Variants in C1orf167 observed in about 807,000 individuals in gnomAD.
The protein encoded by C1orf167 is uncharacterized protein C1orf167.
A neutral mutation model predicts 176.5 loss-of-function variants in C1orf167; 153 were observed. That is an observed-to-expected ratio of 0.87 (90% CI 0.76 to 0.99). The LOEUF (loss-of-function observed/expected upper bound fraction) is 0.99. Ranked by LOEUF, C1orf167 falls within the 50% of genes least tolerant of loss-of-function variation. C1orf167 has a pLI of 0.00. For missense variants in C1orf167, 1,490 were observed against 1,817.7 expected, an observed-to-expected ratio of 0.82 and a Z score of 3.28; for synonymous variants, 594 against 752.7, an observed-to-expected ratio of 0.79 and a Z score of 3.45.
intron 16 of C1orf167, chr1:11,786,979 G>A (rs1252256055): frequency 2.0e-5 from 3 of 152,608 alleles, no homozygotes; most frequent in African/African-American, 7.2e-5. Context: ...ACTAAACGCT[G>A]GGAATGGCAC....
intron 20 of C1orf167, 128 bp downstream of exon 20, chr1:11,788,874 G>A (rs1350451115): frequency 4.3e-6 from 3 of 693,638 alleles, no homozygotes; most frequent in Non-Finnish European, 6.5e-6. Flanking sequence ...TTCGTTTTCA[G>A]GGGAGGGGGT....
intron 6 of C1orf167, among the ~76,000 whole-genome samples, chr1:11,769,796 C>T (rs539499994): frequency 1.1e-4 from 16 of 151,948 alleles, no homozygotes; most frequent in African/African-American, 3.6e-4. Context: ...CTCAGCCTCC[C>T]GAGTAGCTGG....
chr1:11,779,063 G>GCAT lies in C1orf167; in HGVS notation c.2635_2637dup (p.His879dup), dbSNP rs1643468655. 9 of 1,260,760 alleles carry GCAT rather than the reference G, an allele frequency of 7.1e-6. No homozygotes were observed. The highest frequency in any genetic ancestry group is 9.3e-6 in the Non-Finnish European group (9 of 968,946). 78.1% of individuals were successfully genotyped at this position (1,260,760 alleles called of 1,614,324 possible). Reference sequence around the variant, plus strand: ...TCCAGGGCACAGCCAGGTGGTACCAGCATACCCGCCAGAGGCGGTAGGGAT... The same window carrying GCAT: ...TCCAGGGCACAGCCAGGTGGTACCAGCATCATACCCGCCAGAGGCGGTAGGGAT... On this transcript the variant is annotated inframe_insertion, in exon 12 of 21. Transcript: ENST00000688073.
intron 10 of C1orf167, among the ~76,000 whole-genome samples, 153 bp downstream of exon 10, chr1:11,776,791 G>A (rs569347756): frequency 7.9e-5 from 12 of 152,332 alleles, no homozygotes; most frequent in Middle Eastern, 3.4e-3. Flanking sequence ...ACAGGGCCTG[G>A]CACACTGCGG....
At chr1:11,767,377 G>A in intron 4 of C1orf167, 113 bp downstream of exon 4, 1 of 980,836 alleles carries the variant, frequency 1.0e-6, no homozygotes, top group Non-Finnish European at 1.4e-6. Flanking sequence ...GAGGAGGCAG[G>A]GTTTCAAGGA....
At chr1:11,770,519 C>A (rs1643002707) in intron 6 of C1orf167, among the ~76,000 whole-genome samples, 1 of 150,090 alleles carries the variant, frequency 6.7e-6, no homozygotes, top group African/African-American at 2.4e-5. Flanking sequence ...ATCTGGCTCA[C>A]TGCAACCTCC....
Position 11,781,075 on chromosome 1 carries a change from G to A in C1orf167, c.2860+1065G>A, listed in dbSNP as rs1643578998. ...TGCAGTGGTGCGATCTTGGCTCACT[G>A]CAACCTCCACCCCCTGGGTTCAAGC... On this transcript the variant is annotated intron_variant, in intron 13 of 20. Coordinates refer to ENST00000688073, the MANE Select transcript of C1orf167 (RefSeq NM_001010881.2). Among the ~76,000 whole-genome samples the A allele has an allele frequency of 3.1e-5, 4 of 129,800 alleles. No homozygotes were observed. In the South Asian group the frequency reaches 9.7e-4, roughly 32 times the overall value. 85.2% of individuals were successfully genotyped at this position (129,800 alleles called of 152,430 possible).
intron 6 of C1orf167, among the ~76,000 whole-genome samples, chr1:11,770,742 G>GT (rs1643015116): frequency 6.6e-6 from 1 of 150,988 alleles, no homozygotes; most frequent in African/African-American, 2.4e-5. Flanking sequence ...GATTATAGAC[G>GT]TGAGCCACTG....
chr1:11,784,240 T>C lies in C1orf167; in HGVS notation c.3072T>C (p.Phe1024=). The change falls in exon 15 of 21, where the codon TTT becomes TTC. Residue 1024 remains phenylalanine (F), a synonymous_variant. Transcript: ENST00000688073. ...TGCTCCGGGCCCAGCATCAAGCCTT[T>C]CAGGATGGCCTGAGGAGAAGAGCAC... The part of the protein sequence containing the change: ...TGVLRAQHQA[F]QDGLRRRALG... The C allele has an allele frequency of 7.7e-7, 1 of 1,295,026 alleles. No homozygotes were observed. The highest frequency in any genetic ancestry group is 1.0e-6 in the Non-Finnish European group (1 of 983,978). 80.2% of individuals were successfully genotyped at this position (1,295,026 alleles called of 1,614,324 possible).
At position 11,773,795 on chromosome 1, in the gene C1orf167, C is replaced by T. The variant is rs78897509; in HGVS notation, c.1988+1536C>T. ...ATAATGAAACAACTGTTCCTTAATA[C>T]TCACGAATATCTGGCCAGTATTCAC... On this transcript the variant is annotated intron_variant, in intron 8 of 20. Transcript: ENST00000688073. 6.0e-3 allele frequency among the ~76,000 whole-genome samples: 912 copies of T among 152,222 alleles called. 11 individuals carry two copies. Among genetic ancestry groups the T allele is most frequent in the African/African-American group, 0.02 (847 of 41,542 alleles).
At chr1:11,787,601 T>A (rs1025102107) in intron 17 of C1orf167, 108 bp downstream of exon 17, 1 of 833,054 alleles carries the variant, frequency 1.2e-6, no homozygotes, top group African/African-American at 1.8e-5. Flanking sequence ...CGGTCTTATG[T>A]GTATTGACCA....
intron 10 of C1orf167, chr1:11,778,291 C>CAAAAAA (rs70983596): frequency 4.0e-5 from 3 of 75,600 alleles, no homozygotes; most frequent in African/African-American, 1.1e-4. Context: ...GACCCTGTCT[C>CAAAAAA]AAAAAAAAAA....
chr1:11,763,107 G>C (rs1438912263), intron 1 of C1orf167, among the ~76,000 whole-genome samples: 1 of 152,192 alleles, frequency 6.6e-6, no homozygotes, highest in Admixed American at 6.5e-5. Flanking sequence ...GCAAGGGGAA[G>C]AGGAATTGGG....
At chr1:11,783,184 C>T (rs1212843934) in intron 14 of C1orf167, among the ~76,000 whole-genome samples, 1 of 152,176 alleles carries the variant, frequency 6.6e-6, no homozygotes, top group Non-Finnish European at 1.5e-5. Context: ...GGGCAGTGAA[C>T]TGTTGGCTAC....
Position 11,789,393 on chromosome 1 carries a change from G to T in C1orf167, c.4297G>T (p.Ala1433Ser). The T allele has an allele frequency of 7.7e-7, 1 of 1,304,158 alleles. No homozygotes were observed. The highest frequency in any genetic ancestry group is 1.0e-6 in the Non-Finnish European group (1 of 988,934). 80.8% of individuals were successfully genotyped at this position (1,304,158 alleles called of 1,614,324 possible). A position where few individuals can be genotyped will look rare whatever the true frequency, so the allele number is the denominator to read the frequency against. Residue 1433 changes from alanine to serine, a missense_variant, in exon 21 of 21, where the codon GCA (alanine) becomes TCA (serine). Coordinates refer to ENST00000688073, the MANE Select transcript of C1orf167 (RefSeq NM_001010881.2). ...CGAGAGTGGACAGGAAGCCGCCAGA[G>T]CACCGCGGGGTTGGGGGCTTGGGGC... ...GPESGQEAAR[A>S]PRGWGLGAEH...
chr1:11,764,459 TC>T lies in C1orf167; in HGVS notation c.62del (p.Pro21ArgfsTer16). 3 of 1,289,360 alleles carry T rather than the reference TC, an allele frequency of 2.3e-6. No individual in the cohort carries two copies. In the Middle Eastern group the frequency reaches 6.4e-4, roughly 275 times the overall value. The allele number at this position is 1,289,360 out of a possible 1,614,324, so 79.9% of individuals were successfully genotyped here. A position where few individuals can be genotyped will look rare whatever the true frequency, so the allele number is the denominator to read the frequency against. ...AATGTGTCCCCAAAGCCTGCAGCGCTCCCGAAGCCAGGCAAGAGGCTTAGTG... is the reference window on the plus strand; with the variant it reads ...AATGTGTCCCCAAAGCCTGCAGCGCTCCGAAGCCAGGCAAGAGGCTTAGTG... ...KENVSPKPAA[L>X]PKPEQRRFRR... On this transcript the variant is annotated frameshift_variant, in exon 2 of 21. Transcript: ENST00000688073. LOFTEE classifies it high-confidence loss of function.
chr1:11,781,925 T>C (rs540951748), intron 13 of C1orf167, among the ~76,000 whole-genome samples: 4 of 145,124 alleles, frequency 2.8e-5, no homozygotes, highest in East Asian at 4.0e-4. Flanking sequence ...AAAAAAAAAA[T>C]AGAAAATTAG....
At chr1:11,782,978 T>C (rs1031695210) in intron 14 of C1orf167, among the ~76,000 whole-genome samples, 7 of 151,308 alleles carry the variant, frequency 4.6e-5, no homozygotes, top group African/African-American at 1.2e-4. Context: ...ATAACGCCCA[T>C]TGTGAGGAGT....
In C1orf167 at chr1:11,768,376, C is replaced by A; in HGVS notation, c.1542+101C>A. On this transcript the variant is annotated intron_variant, in intron 5 of 20. Transcript: ENST00000688073. This position sits in a 1 kb window ranked among gnomAD's most constrained non-coding sequence, Gnocchi z 4.5. ...GAGGACACCCACTGGGCATAGGTGGCACCTCATGAATGATCAGCAGTAAAG... is the reference window on the plus strand; with the variant it reads ...GAGGACACCCACTGGGCATAGGTGGAACCTCATGAATGATCAGCAGTAAAG... The A allele has an allele frequency of 9.6e-7, 1 of 1,041,544 alleles. No homozygotes were observed. The highest frequency in any genetic ancestry group is 1.3e-6 in the Non-Finnish European group (1 of 785,280). The allele number at this position is 1,041,544 out of a possible 1,614,324, so 64.5% of individuals were successfully genotyped here.
Sources: allele counts gnomAD v4.1 joint callset (sites outside exome capture counted in the v4.1 genomes callset), GRCh38; gene constraint gnomAD v4.1.1; non-coding constraint Gnocchi (gnomAD v3.1); transcripts MANE v1.5; gene names NCBI Gene and HGNC (gene_info 2026-07-23, HGNC 2026-07-21).